XXYLT1: variants seen among roughly 807,000 people sequenced by gnomAD.
The protein encoded by XXYLT1 is xyloside xylosyltransferase 1, also known as UDP-xylose:alpha-xyloside alpha-1,3-xylosyltransferase.
XXYLT1 carries 20 observed loss-of-function variants against 28.9 expected under a neutral mutation model. The ratio of observed to expected loss-of-function variants is 0.69; its 90% CI spans 0.49 to 1.00. The LOEUF (loss-of-function observed/expected upper bound fraction) is 1.00. Among genes scored for constraint, XXYLT1 ranks in the 50% least tolerant of loss-of-function variants. XXYLT1 has a pLI of 0.00. For synonymous variants in XXYLT1, 257 were observed against 253.8 expected, an observed-to-expected ratio of 1.01 and a Z score of -0.12; for missense variants, 542 against 560.1, an observed-to-expected ratio of 0.97 and a Z score of 0.33.
intron 3 of XXYLT1, among the ~76,000 whole-genome samples, chr3:195,103,389 G>GCCAGCGGCCTGCGTCCATCACCCCACA (rs1716908847): frequency 2.2e-5 from 3 of 133,718 alleles, no homozygotes; most frequent in East Asian, 4.0e-4. Context: ...ATCACCCCAC[G>GCCAGCGGCCTGCGTCCATCACCCCACA]CCAGCGGCCT....
chr3:195,239,016 GA>G (rs1483874402), intron 1 of XXYLT1, among the ~76,000 whole-genome samples: 1 of 152,188 alleles, frequency 6.6e-6, no homozygotes, highest in African/African-American at 2.4e-5. Context: ...CTTCACAGGA[GA>G]CAACTGCATC....
chr3:195,108,596 C>G (rs1435854206), intron 3 of XXYLT1, among the ~76,000 whole-genome samples: 1 of 152,214 alleles, frequency 6.6e-6, no homozygotes, highest in African/African-American at 2.4e-5. Flanking sequence ...CTTCCACAAA[C>G]CTAGATGGTA....
intron 2 of XXYLT1, among the ~76,000 whole-genome samples, chr3:195,218,698 C>T (rs1181655342): frequency 6.6e-6 from 1 of 151,244 alleles, no homozygotes; most frequent in Non-Finnish European, 1.5e-5. Context: ...GAAATAGGAA[C>T]ACTTTTACAC....
chr3:195,147,645 T>C (rs1719935727), intron 3 of XXYLT1, among the ~76,000 whole-genome samples: 1 of 152,140 alleles, frequency 6.6e-6, no homozygotes, highest in Admixed American at 6.5e-5. Context: ...GAAAGTAACT[T>C]CTCTAAGACC....
intron 2 of XXYLT1, among the ~76,000 whole-genome samples, chr3:195,183,146 G>A (rs1722031153): frequency 6.6e-6 from 1 of 152,150 alleles, no homozygotes; most frequent in Non-Finnish European, 1.5e-5. Context: ...TCATTACCCT[G>A]TTCCACTCAC....
At chr3:195,098,976 C>G (rs1220546452) in intron 3 of XXYLT1, among the ~76,000 whole-genome samples, 1 of 152,210 alleles carries the variant, frequency 6.6e-6, no homozygotes, top group African/African-American at 2.4e-5. Flanking sequence ...TGCTGCTTCT[C>G]CCTTTCCATC....
chr3:195,160,795 G>A (rs1220920489), intron 2 of XXYLT1, among the ~76,000 whole-genome samples: 1 of 152,232 alleles, frequency 6.6e-6, no homozygotes, highest in African/African-American at 2.4e-5. Flanking sequence ...GTGGTAGAGG[G>A]TCCGCCCCGC....
intron 2 of XXYLT1, among the ~76,000 whole-genome samples, chr3:195,208,194 T>C (rs1301092316): frequency 1.3e-5 from 2 of 152,226 alleles, no homozygotes; most frequent in Non-Finnish European, 2.9e-5. Flanking sequence ...GGATGACACC[T>C]ATTCCTTTCT....
At chr3:195,246,902 G>A (rs752061293) in intron 1 of XXYLT1, among the ~76,000 whole-genome samples, 13 of 152,102 alleles carry the variant, frequency 8.5e-5, no homozygotes, top group Non-Finnish European at 1.5e-4. Flanking sequence ...GCCACCTGCC[G>A]CTCCAGCCTC....
chr3:195,259,155 C>G (rs1291135247), intron 1 of XXYLT1, among the ~76,000 whole-genome samples: 1 of 152,262 alleles, frequency 6.6e-6, no homozygotes, highest in Non-Finnish European at 1.5e-5. Flanking sequence ...CCGCAGGGGC[C>G]AGCCTCTGGG....
chr3:195,203,943 G>A (rs538146871), intron 2 of XXYLT1, among the ~76,000 whole-genome samples: 46 of 152,314 alleles, frequency 3.0e-4, no homozygotes, highest in African/African-American at 8.4e-4. Context: ...AGGAAATGAC[G>A]GTCATGTCAG....
intron 3 of XXYLT1, among the ~76,000 whole-genome samples, chr3:195,118,232 G>A (rs1718152223): frequency 6.6e-6 from 1 of 152,214 alleles, no homozygotes; most frequent in African/African-American, 2.4e-5. Flanking sequence ...ATAAGATGCA[G>A]GCGAAGACCC....
At chr3:195,175,766 C>G in intron 2 of XXYLT1, 1 of 1,521,758 alleles carries the variant, frequency 6.6e-7, no homozygotes, top group South Asian at 1.2e-5. Context: ...TCAGCCACTG[C>G]TCCCCTGGAA....
At chr3:195,112,407 C>G (rs1329589299) in intron 3 of XXYLT1, among the ~76,000 whole-genome samples, 7 of 148,636 alleles carry the variant, frequency 4.7e-5, no homozygotes, top group Admixed American at 1.4e-4. Flanking sequence ...CACGTGCGCA[C>G]GTGCGCGCAC....
At position 195,255,635 on chromosome 3, in the gene XXYLT1, A is replaced by G. The variant is rs116631359; in HGVS notation, c.504+14920T>C. Among the ~76,000 whole-genome samples the G allele has an allele frequency of 6.1e-3, 930 of 152,336 alleles. 12 individuals carry two copies. The highest frequency in any genetic ancestry group is 0.021 in the African/African-American group (871 of 41,578). On this transcript the variant is annotated intron_variant, in intron 1 of 3. Coordinates refer to ENST00000310380, the MANE Select transcript of XXYLT1 (RefSeq NM_152531.5). The surrounding 1 kb of genome is among the most constrained non-coding windows in gnomAD (Gnocchi z 4.5). ...CCGGCGCACAGAGCAAGCACAGCGT[A>G]GAACTGGCTTCCGAACACAAGGGAA...
chr3:195,136,910 T>TAA (rs10645090), intron 3 of XXYLT1, among the ~76,000 whole-genome samples: 2,546 of 152,164 alleles, frequency 0.017, 72 homozygotes, highest in African/African-American at 0.058. Flanking sequence ...CGTCGAAGGG[T>TAA]AAAAACCTTC....
chr3:195,070,376 T>C (rs1310317755), intron 3 of XXYLT1, among the ~76,000 whole-genome samples: 4 of 151,880 alleles, frequency 2.6e-5, no homozygotes, highest in African/African-American at 9.7e-5. Flanking sequence ...CCAGGCGCCA[T>C]ACTAGACCGG....
chr3:195,226,697 A>T lies in XXYLT1; in HGVS notation c.652+12T>A. On this transcript the variant is annotated intron_variant, in intron 2 of 3. Transcript: ENST00000310380. ...ACACCCAGGGGCTATTGCTCCTGGA[A>T]GCCCAGGTTACCTTTGGGCATGATC... is the stretch of plus-strand genomic sequence containing the variant. 6.2e-7 allele frequency: 1 copy of T among 1,610,240 alleles called. No homozygotes were observed. Among genetic ancestry groups the T allele is most frequent in the Non-Finnish European group, 8.5e-7 (1 of 1,178,742 alleles).
intron 1 of XXYLT1, among the ~76,000 whole-genome samples, chr3:195,260,447 C>T (rs1725656203): frequency 6.6e-6 from 1 of 152,208 alleles, no homozygotes. Context: ...ACACTGACCC[C>T]CCTGGGCAGC....
Sources: allele counts gnomAD v4.1 joint callset (sites outside exome capture counted in the v4.1 genomes callset), GRCh38; gene constraint gnomAD v4.1.1; non-coding constraint Gnocchi (gnomAD v3.1); transcripts MANE v1.5; gene names NCBI Gene and HGNC (gene_info 2026-07-23, HGNC 2026-07-21).